KBTBD12: variants seen among roughly 807,000 people sequenced by gnomAD.
The protein encoded by KBTBD12 is kelch repeat and BTB domain containing 12.
In KBTBD12, 53 loss-of-function variants were observed where a neutral mutation model predicts 58.7. That is an observed-to-expected ratio of 0.90 (90% confidence interval 0.72 to 1.14). The LOEUF (loss-of-function observed/expected upper bound fraction) is 1.14, where lower values mean the gene tolerates loss of function less well. Ranked by LOEUF, KBTBD12 falls within the 50% of genes most tolerant of loss-of-function variation. The pLI, the probability that KBTBD12 is intolerant of heterozygous loss-of-function variation, is 0.00. For synonymous variants in KBTBD12, 236 were observed against 259.8 expected, an observed-to-expected ratio of 0.91 and a Z score of 0.88; for missense variants, 704 against 751.3, an observed-to-expected ratio of 0.94 and a Z score of 0.74.
intron 4 of KBTBD12, among the ~76,000 whole-genome samples, chr3:127,941,222 C>A (rs745396058): frequency 2.0e-5 from 3 of 152,072 alleles, no homozygotes; most frequent in African/African-American, 7.2e-5. Context: ...CAAGACAGTA[C>A]AGAAAAAGAA....
intron 4 of KBTBD12, among the ~76,000 whole-genome samples, chr3:127,938,585 A>T (rs562479694): frequency 2.0e-5 from 3 of 152,362 alleles, no homozygotes; most frequent in East Asian, 3.9e-4. Flanking sequence ...ACCAACAATT[A>T]TATTAAATGG....
intron 3 of KBTBD12, among the ~76,000 whole-genome samples, chr3:127,928,568 A>G (rs533467576): frequency 1.3e-5 from 2 of 152,246 alleles, no homozygotes; most frequent in African/African-American, 2.4e-5. Context: ...TGCTGTTTCT[A>G]TTGAAGCCCA....
intron 5 of KBTBD12, among the ~76,000 whole-genome samples, chr3:127,971,088 TTGAG>T (rs1940675073): frequency 6.6e-6 from 1 of 152,124 alleles, no homozygotes; most frequent in Admixed American, 6.5e-5. Flanking sequence ...GGCAGGTTCC[TTGAG>T]TGAAAGAGGC....
intron 5 of KBTBD12, 117 bp downstream of exon 5, chr3:127,963,503 C>A: frequency 1.0e-6 from 1 of 1,002,548 alleles, no homozygotes; most frequent in Non-Finnish European, 1.4e-6. Flanking sequence ...AAAAGCATGG[C>A]TTTTAGAGTC....
At chr3:127,941,618 A>C (rs1394319116) in intron 4 of KBTBD12, among the ~76,000 whole-genome samples, 1 of 152,026 alleles carries the variant, frequency 6.6e-6, no homozygotes, top group East Asian at 1.9e-4. Context: ...ATGGAGTCTC[A>C]CTCTGTTGCC....
rs1333496619 is a variant in KBTBD12, at chr3:127,987,069, G to A, written c.*2791G>A. ...GAGTGCCAAGGGAGGACCGAGAAGG[G>A]GCATGACCTCTGCTGGAGCCAGGAG... On this transcript the variant is annotated 3_prime_UTR_variant, in exon 6 of 6. Transcript: ENST00000405109. 2 of 152,348 alleles carry A rather than the reference G, an allele frequency of 1.3e-5. No homozygotes were observed. Among genetic ancestry groups the A allele is most frequent in the East Asian group, 3.8e-4 (2 of 5,202 alleles). 9.4% of individuals were successfully genotyped at this position (152,348 alleles called of 1,614,324 possible).
At chr3:127,953,168 A>G (rs969454621) in intron 4 of KBTBD12, among the ~76,000 whole-genome samples, 1 of 152,212 alleles carries the variant, frequency 6.6e-6, no homozygotes, top group African/African-American at 2.4e-5. Context: ...TGAGAGTTAT[A>G]ACAATCATTA....
chr3:127,946,870 T>C (rs758044227), intron 4 of KBTBD12, among the ~76,000 whole-genome samples: 4 of 152,226 alleles, frequency 2.6e-5, no homozygotes, highest in Non-Finnish European at 5.9e-5. Flanking sequence ...TATCTTCAAG[T>C]TCACTTATCC....
intron 5 of KBTBD12, among the ~76,000 whole-genome samples, chr3:127,966,529 T>C (rs151258203): frequency 8.5e-4 from 130 of 152,284 alleles, no homozygotes; most frequent in Non-Finnish European, 1.5e-3. Flanking sequence ...AGAAATTAAA[T>C]CTACAATGGA....
chr3:127,939,499 A>G (rs1939902961), intron 4 of KBTBD12, among the ~76,000 whole-genome samples: 1 of 152,216 alleles, frequency 6.6e-6, no homozygotes, highest in Non-Finnish European at 1.5e-5. Context: ...GGTAAATGGA[A>G]CTATAAGGCG....
chr3:127,931,966 C>T (rs1939714280), intron 4 of KBTBD12, among the ~76,000 whole-genome samples: 1 of 151,992 alleles, frequency 6.6e-6, no homozygotes, highest in African/African-American at 2.4e-5. Context: ...TTATAGAGGC[C>T]TTTGGATGAA....
chr3:127,947,929 G>A (rs888826365), intron 4 of KBTBD12, among the ~76,000 whole-genome samples: 1 of 152,102 alleles, frequency 6.6e-6, no homozygotes, highest in African/African-American at 2.4e-5. Context: ...GCACCTCTCC[G>A]ATGCCTTTCA....
intron 5 of KBTBD12, among the ~76,000 whole-genome samples, chr3:127,966,326 A>G (rs73860779): frequency 0.15 from 23,069 of 152,080 alleles, 1,968 homozygotes; most frequent in South Asian, 0.32. Context: ...ATGGCATCCC[A>G]CTCTTAAAGA....
rs1576371902 is a variant in KBTBD12, at chr3:127,925,760, T to A, written c.1070+1629T>A. ...TCCAATAATGAAATTGTCAGAAGCA[T>A]TGCTTTAGGCTTAAATGAGACTTCC... is the stretch of plus-strand genomic sequence containing the variant. On this transcript the variant is annotated intron_variant, in intron 2 of 5. Transcript: ENST00000405109. Among the ~76,000 whole-genome samples the A allele has an allele frequency of 2.0e-5, 3 of 152,332 alleles. 1 individual carries two copies. The East Asian group carries it at 5.8e-4, about 29-fold the overall frequency.
At chr3:127,915,691 T>G (rs1164340934) in intron 1 of KBTBD12, 105 bp downstream of exon 1, 1 of 152,156 alleles carries the variant, frequency 6.6e-6, no homozygotes, top group Non-Finnish European at 1.5e-5. Flanking sequence ...CACCGGCACT[T>G]GCAGCCTCGG....
chr3:127,928,038 A>G lies in KBTBD12; in HGVS notation c.1341+4A>G, dbSNP rs1307536407. On this transcript the variant is annotated splice_donor_region_variant and intron_variant, in intron 3 of 5. Transcript: ENST00000405109. ...AATTGGAGGCTGGACCCCTCAGGTTAAGAAATTTCCTGTATACATAATTGG... is the reference window on the plus strand; with the variant it reads ...AATTGGAGGCTGGACCCCTCAGGTTGAGAAATTTCCTGTATACATAATTGG... The G allele has an allele frequency of 1.2e-6, 2 of 1,611,816 alleles. No individual in the cohort carries two copies. The highest frequency in any genetic ancestry group is 1.7e-6 in the Non-Finnish European group (2 of 1,178,360).
At chr3:127,971,813 C>T (rs1301920542) in intron 5 of KBTBD12, among the ~76,000 whole-genome samples, 2 of 152,174 alleles carry the variant, frequency 1.3e-5, no homozygotes, top group Admixed American at 6.5e-5. Flanking sequence ...CTTTGGCTAA[C>T]TTCTAGGGGA....
intron 4 of KBTBD12, among the ~76,000 whole-genome samples, chr3:127,932,964 A>C (rs1442760310): frequency 6.6e-6 from 1 of 152,134 alleles, no homozygotes; most frequent in Non-Finnish European, 1.5e-5. Context: ...AAAACCTAAA[A>C]ACATTGTAAA....
At chr3:127,983,417 G>A (rs1940905741) in intron 5 of KBTBD12, among the ~76,000 whole-genome samples, 1 of 152,102 alleles carries the variant, frequency 6.6e-6, no homozygotes, top group Non-Finnish European at 1.5e-5. Context: ...GTGAACTTGG[G>A]CTCTCATAAG....
Sources: allele counts gnomAD v4.1 joint callset (sites outside exome capture counted in the v4.1 genomes callset), GRCh38; gene constraint gnomAD v4.1.1; transcripts MANE v1.5; gene names NCBI Gene and HGNC (gene_info 2026-07-23, HGNC 2026-07-21).